Variants in DCHS2 observed in about 807,000 individuals in gnomAD.
DCHS2 encodes protocadherin-23.
DCHS2 carries 142 observed loss-of-function variants against 182.4 expected under a neutral mutation model. The ratio of observed to expected loss-of-function variants is 0.78; its 90% CI spans 0.68 to 0.89. DCHS2 has a LOEUF of 0.89. Among genes scored for constraint, DCHS2 ranks in the 40% least tolerant of loss-of-function variants. DCHS2 has a pLI of 0.00. For synonymous variants in DCHS2, 1,740 were observed against 1,663.3 expected (o/e 1.05, Z -1.12); for missense variants, 4,319 against 4,198.6 (o/e 1.03, Z -0.79).
At chr4:154,316,299 AT>A (rs952567593) in intron 9 of DCHS2, among the ~76,000 whole-genome samples, 1 of 152,230 alleles carries the variant, frequency 6.6e-6, no homozygotes, top group African/African-American at 2.4e-5. Flanking sequence ...CTTTTAAAAA[AT>A]ATCTAGGATA....
intron 14 of DCHS2, 101 bp from the exon 15 acceptor site, chr4:154,259,857 C>G (rs1049457275): frequency 3.1e-6 from 4 of 1,303,868 alleles, no homozygotes; most frequent in South Asian, 1.8e-5. Flanking sequence ...GAGTCTCGCA[C>G]TGTCGCCCAG....
At chr4:154,417,204 T>TGTGTGTGTGAGAGAGAGA (rs1560745908) in intron 1 of DCHS2, among the ~76,000 whole-genome samples, 3 of 39,510 alleles carry the variant, frequency 7.6e-5, no homozygotes, top group Non-Finnish European at 1.4e-4. Flanking sequence ...TGTGTGTGTG[T>TGTGTGTGTGAGAGAGAGA]GAGAGAGAGA....
chr4:154,243,035 C>T (rs756752036), intron 16 of DCHS2, among the ~76,000 whole-genome samples: 23 of 152,108 alleles, frequency 1.5e-4, no homozygotes, highest in Non-Finnish European at 2.5e-4. Flanking sequence ...TGGACCATTT[C>T]GGAGAGCCAG....
intron 13 of DCHS2, 123 bp downstream of exon 13, chr4:154,297,728 A>G: frequency 7.0e-7 from 1 of 1,434,278 alleles, no homozygotes. Flanking sequence ...CAATATCAAG[A>G]ACAGGCATTG....
chr4:154,439,798 A>G (rs1733925304), intron 1 of DCHS2, among the ~76,000 whole-genome samples: 1 of 152,204 alleles, frequency 6.6e-6, no homozygotes, highest in Non-Finnish European at 1.5e-5. Flanking sequence ...TTATAATTTC[A>G]AAGTAGTTAT....
At chr4:154,319,571 A>G (rs1735977298) in intron 9 of DCHS2, among the ~76,000 whole-genome samples, 2 of 151,666 alleles carry the variant, frequency 1.3e-5, no homozygotes, top group South Asian at 2.1e-4. Flanking sequence ...GTATATGAAA[A>G]AATGCTCCAT....
chr4:154,312,551 T>C (rs966918427), intron 10 of DCHS2, among the ~76,000 whole-genome samples: 47 of 152,018 alleles, frequency 3.1e-4, no homozygotes, highest in African/African-American at 1.1e-3. Flanking sequence ...TCCGTCTGTA[T>C]AAAAATAAAA....
intron 3 of DCHS2, among the ~76,000 whole-genome samples, chr4:154,338,567 A>T (rs1728920898): frequency 6.6e-6 from 1 of 152,248 alleles, no homozygotes; most frequent in African/African-American, 2.4e-5. Flanking sequence ...GGTGATACTT[A>T]TCAAAATTTT....
At position 154,237,047 on chromosome 4, in the gene DCHS2, C is replaced by T. The variant is rs1359112614; in HGVS notation, c.7605G>A (p.Val2535=). The T allele has an allele frequency of 2.5e-6, 4 of 1,613,882 alleles. No individual in the cohort carries two copies. The highest frequency in any genetic ancestry group is 3.4e-6 in the Non-Finnish European group (4 of 1,179,946). ...GNPDLRALTL[V]EIGIEDMNNY... is the part of the protein sequence containing the mutation. ...TGTTCATATCTTCTATTCCTATCTC[C>T]ACTAAAGTAAGAGCTCTCAGGTCAG... is the stretch of plus-strand genomic sequence containing the variant. The change falls in exon 20 of 20, where the codon GTG becomes GTA. Residue 2535 remains valine, a synonymous_variant. Coordinates refer to ENST00000357232, the MANE Select transcript of DCHS2 (RefSeq NM_001358235.2).
chr4:154,459,772 CTCTCTCT>C, intron 1 of DCHS2, among the ~76,000 whole-genome samples: 1 of 118,422 alleles, frequency 8.4e-6, no homozygotes, highest in Non-Finnish European at 2.0e-5. Flanking sequence ...CTCTCTCTCT[CTCTCTCT>C]CTCTATGTCT....
At chr4:154,262,029 A>G (rs1733010030) in intron 14 of DCHS2, 1 of 152,192 alleles carries the variant, frequency 6.6e-6, no homozygotes, top group South Asian at 2.1e-4. Flanking sequence ...TGTCTCCACC[A>G]AAAAGAGCAC....
chr4:154,376,882 A>G (rs1730924963), intron 2 of DCHS2, among the ~76,000 whole-genome samples: 2 of 152,194 alleles, frequency 1.3e-5, no homozygotes, highest in Admixed American at 1.3e-4. Flanking sequence ...TACAGATGGA[A>G]ACTTAAAGAA....
At chr4:154,340,343 C>T (rs992420274) in intron 3 of DCHS2, among the ~76,000 whole-genome samples, 10 of 152,036 alleles carry the variant, frequency 6.6e-5, no homozygotes, top group Non-Finnish European at 1.0e-4. Flanking sequence ...TATATAAAGC[C>T]GAACATGAAA....
At position 154,259,556 on chromosome 4, in the gene DCHS2, G is replaced by C; in HGVS notation, c.6778C>G (p.His2260Asp). The C allele has an allele frequency of 6.2e-7, 1 of 1,613,544 alleles. No homozygotes were observed. Among genetic ancestry groups the C allele is most frequent in the South Asian group, 1.1e-5 (1 of 91,058 alleles). The change falls in exon 15 of 20, where the codon CAT becomes GAT. Residue 2260 changes from histidine (H) to aspartate (D), a missense_variant. By Grantham distance (81) the His-to-Asp change is moderately conservative. Coordinates refer to ENST00000357232, the MANE Select transcript of DCHS2 (RefSeq NM_001358235.2). ...TATATTTCTGTTACCTGTATGACATGAGCATTGTAGAGTTGGCTTTCAGAC... is the reference window on the plus strand; with the variant it reads ...TATATTTCTGTTACCTGTATGACATCAGCATTGTAGAGTTGGCTTTCAGAC... ...SVSESQLYNA[H>D]VIQVFATDLD... is the part of the protein sequence containing the mutation.
In DCHS2 at chr4:154,320,759, T is replaced by C. The variant is rs2111335254; in HGVS notation, c.4640A>G (p.Gln1547Arg). The change falls in exon 9 of 20, where the codon CAA (glutamine) becomes CGA (arginine). Residue 1547 changes from glutamine (Q) to arginine (R), a missense_variant. Coordinates refer to ENST00000357232, the MANE Select transcript of DCHS2 (RefSeq NM_001358235.2). ...DDGSFLNSRIQYYIESHNPGT... is the reference protein window; with the variant it reads ...DDGSFLNSRIRYYIESHNPGT... ...AGGGTTGTGGGATTCAATGTAGTAT[T>C]GTATTCTACTGTTCAAAAAACTGCC... 3 of 1,614,114 alleles carry C rather than the reference T, an allele frequency of 1.9e-6. No individual in the cohort carries two copies. Among genetic ancestry groups the C allele is most frequent in the Non-Finnish European group, 2.5e-6 (3 of 1,180,010 alleles).
intron 2 of DCHS2, among the ~76,000 whole-genome samples, chr4:154,367,822 C>T (rs556204988): frequency 6.6e-6 from 1 of 152,002 alleles, no homozygotes; most frequent in African/African-American, 2.4e-5. Flanking sequence ...AGAACTGCTG[C>T]CATGCAGAGA....
chr4:154,330,017 T>A (rs1343640516), intron 5 of DCHS2, among the ~76,000 whole-genome samples: 1 of 152,192 alleles, frequency 6.6e-6, no homozygotes, highest in Admixed American at 6.5e-5. Flanking sequence ...TTTGGAAGAT[T>A]TAAAACTGCT....
rs756705093 is a variant in DCHS2, at chr4:154,235,856, A to G, written c.8796T>C (p.Asn2932=). The change falls in exon 20 of 20, where the codon AAT becomes AAC. Residue 2932 remains asparagine, a synonymous_variant. Coordinates refer to ENST00000357232, the MANE Select transcript of DCHS2 (RefSeq NM_001358235.2). ...GGGCTCTAATCAAATAAATATTTCC[A>G]TTGGTTTTATTTACTGAAAAGAAAG... The part of the protein sequence containing the change: ...SSPFFSVNKT[N]GNIYLIRALP... 56 of 1,613,882 alleles carry G rather than the reference A, an allele frequency of 3.5e-5. 1 individual carries two copies. Among genetic ancestry groups the G allele is most frequent in the Admixed American group, 2.5e-4 (15 of 59,982 alleles).
At chr4:154,403,957 C>T (rs1732297134) in intron 1 of DCHS2, among the ~76,000 whole-genome samples, 1 of 151,982 alleles carries the variant, frequency 6.6e-6, no homozygotes, top group Non-Finnish European at 1.5e-5. Context: ...CTATTAATAA[C>T]TTATCTTCCC....
Sources: gnomAD v4.1 joint callset for allele counts (sites outside exome capture counted in the v4.1 genomes callset) on GRCh38, gnomAD v4.1.1 for gene constraint, MANE v1.5 for transcripts, NCBI Gene and HGNC (gene_info 2026-07-23, HGNC 2026-07-21) for gene names.